Variants in SLC7A14 observed in about 807,000 individuals in gnomAD.
SLC7A14 encodes solute carrier family 7 member 14, also known as gamma-aminobutyric acid transporter SLC7A14.
In SLC7A14, 37 loss-of-function variants were observed where a neutral mutation model predicts 60.2. The ratio of observed to expected loss-of-function variants is 0.61; its 90% CI spans 0.47 to 0.81. The LOEUF (loss-of-function observed/expected upper bound fraction) is 0.81. Among genes scored for constraint, SLC7A14 ranks in the 30% least tolerant of loss-of-function variants. The pLI, the probability that SLC7A14 is intolerant of heterozygous loss-of-function variation, is 0.00. For synonymous variants in SLC7A14, 399 were observed against 395.8 expected, an observed-to-expected ratio of 1.01 and a Z score of -0.10; for missense variants, 886 against 982.7, an observed-to-expected ratio of 0.90 and a Z score of 1.32.
intron 4 of SLC7A14, among the ~76,000 whole-genome samples, chr3:170,493,738 A>T (rs1356825314): frequency 6.6e-6 from 1 of 152,220 alleles, no homozygotes; most frequent in Non-Finnish European, 1.5e-5. Flanking sequence ...GGACTTTGGA[A>T]AAGTGACCTG....
chr3:170,505,941 T>A (rs1351651720), intron 2 of SLC7A14, among the ~76,000 whole-genome samples: 3 of 152,110 alleles, frequency 2.0e-5, no homozygotes, highest in Non-Finnish European at 1.5e-5. Flanking sequence ...ATTTGGTGAA[T>A]CCATTAAAAA....
chr3:170,525,890 G>C (rs574121275), intron 2 of SLC7A14, among the ~76,000 whole-genome samples: 1 of 152,250 alleles, frequency 6.6e-6, no homozygotes, highest in South Asian at 2.1e-4. Context: ...GGCCAACATG[G>C]TGAAACCCTG....
chr3:170,480,828 T>C lies in SLC7A14; in HGVS notation c.1454A>G (p.Asn485Ser), dbSNP rs1260117148. Reference protein sequence around the residue: ...GPATNTCGAKNLPSLGDNEML... With the variant: ...GPATNTCGAKSLPSLGDNEML... ...CTCATTGTCTCCCAAGGATGGTAAG[T>C]TCTTGGCCCCACATGTGTTGGTGGC... is the stretch of plus-strand genomic sequence containing the variant. The change falls in exon 7 of 8, where the codon AAC (asparagine) becomes AGC (serine). Residue 485 changes from asparagine (N) to serine (S), a missense_variant. Transcript: ENST00000231706. 3 of 1,614,130 alleles carry C rather than the reference T, an allele frequency of 1.9e-6. No homozygotes were observed. The Admixed American group carries it at 5.0e-5, about 27-fold the overall frequency.
chr3:170,487,105 A>G (rs376512415), intron 4 of SLC7A14, among the ~76,000 whole-genome samples: 13 of 143,612 alleles, frequency 9.1e-5, no homozygotes, highest in African/African-American at 3.1e-4. Context: ...GGGCTTGAAT[A>G]ACCTAGTTGG....
chr3:170,478,916 G>T (rs1408512650), intron 7 of SLC7A14, among the ~76,000 whole-genome samples: 1 of 152,052 alleles, frequency 6.6e-6, no homozygotes, highest in East Asian at 1.9e-4. Context: ...GAGGTTGAGA[G>T]TTCGAGAACA....
chr3:170,481,395 T>C (rs1285589402), intron 6 of SLC7A14, among the ~76,000 whole-genome samples: 2 of 149,540 alleles, frequency 1.3e-5, no homozygotes, highest in South Asian at 2.2e-4. Flanking sequence ...ATTTCTTTTT[T>C]TTTTTTTTTT....
intron 2 of SLC7A14, among the ~76,000 whole-genome samples, chr3:170,513,793 A>G (rs887219428): frequency 2.0e-5 from 3 of 152,130 alleles, no homozygotes; most frequent in Non-Finnish European, 4.4e-5. Context: ...TTCCCTTTGC[A>G]CTGTGGTGTT....
At chr3:170,569,589 C>T (rs149369102) in intron 1 of SLC7A14, among the ~76,000 whole-genome samples, 2,809 of 152,246 alleles carry the variant, frequency 0.018, 92 homozygotes, top group African/African-American at 0.064. Flanking sequence ...AGGAATGGTA[C>T]CAGTTCCTCC....
rs777189956 is a variant in SLC7A14, at chr3:170,467,324, C to T, written c.2047G>A (p.Ala683Thr). Residue 683 changes from alanine to threonine, a missense_variant, in exon 8 of 8, where the codon GCT becomes ACT. Transcript: ENST00000231706. Reference sequence around the variant, plus strand: ...CTTTGGTGCAGGGCCTCTTCTCGAGCGCTGATTTCCAGGGTGCTGTTCCAG... The same window carrying T: ...CTTTGGTGCAGGGCCTCTTCTCGAGTGCTGATTTCCAGGGTGCTGTTCCAG... ...GIWNSTLEIS[A>T]REEALHQSTY... is the part of the protein sequence containing the mutation. 1.9e-5 allele frequency: 30 copies of T among 1,613,008 alleles called. No individual in the cohort carries two copies. The highest frequency in any genetic ancestry group is 5.5e-5 in the South Asian group (5 of 90,892).
At chr3:170,489,874 T>C (rs1449635677) in intron 4 of SLC7A14, among the ~76,000 whole-genome samples, 1 of 149,780 alleles carries the variant, frequency 6.7e-6, no homozygotes, top group Non-Finnish European at 1.5e-5. Flanking sequence ...CACTTATTTG[T>C]GGGATCTAAA....
Position 170,463,377 on chromosome 3 carries a change from AAC to A in SLC7A14, c.*3676_*3677del, listed in dbSNP as rs1739647004. On this transcript the variant is annotated 3_prime_UTR_variant, in exon 8 of 8. Transcript: ENST00000231706. ...AAATTCTACCCACTTCACAAGTTCCAACACAAGTGTGACATTCTTTATGACCT... is the reference window on the plus strand; with the variant it reads ...AAATTCTACCCACTTCACAAGTTCCAACAAGTGTGACATTCTTTATGACCT... 6.6e-6 allele frequency: 1 copy of A among 152,090 alleles called. No individual in the cohort carries two copies. Among genetic ancestry groups the A allele is most frequent in the Non-Finnish European group, 1.5e-5 (1 of 68,040 alleles). 9.4% of individuals were successfully genotyped at this position (152,090 alleles called of 1,614,324 possible). A position where few individuals can be genotyped will look rare whatever the true frequency, so the allele number is the denominator to read the frequency against.
chr3:170,527,162 A>C, intron 1 of SLC7A14, 74 bp from the exon 2 acceptor site: 1 of 579,450 alleles, frequency 1.7e-6, no homozygotes, highest in Non-Finnish European at 3.1e-6. Context: ...GGATGGTTGG[A>C]GGTTAATGTC....
chr3:170,529,159 AC>A (rs1353463924), intron 1 of SLC7A14, among the ~76,000 whole-genome samples: 2 of 152,220 alleles, frequency 1.3e-5, no homozygotes, highest in Admixed American at 1.3e-4. Context: ...ACAACAAAGA[AC>A]CACATGAGTA....
intron 1 of SLC7A14, among the ~76,000 whole-genome samples, chr3:170,548,675 G>T (rs1714247194): frequency 6.6e-6 from 1 of 152,200 alleles, no homozygotes; most frequent in Non-Finnish European, 1.5e-5. Context: ...ACATCTCTGG[G>T]AGTGGAATTC....
chr3:170,471,985 G>T (rs1739922861), intron 7 of SLC7A14, among the ~76,000 whole-genome samples: 3 of 152,156 alleles, frequency 2.0e-5, no homozygotes, highest in Admixed American at 1.3e-4. Flanking sequence ...CCTCTGTGGG[G>T]CTGGAATTAT....
chr3:170,550,811 C>G (rs1347850872), intron 1 of SLC7A14, among the ~76,000 whole-genome samples: 1 of 151,970 alleles, frequency 6.6e-6, no homozygotes, highest in South Asian at 2.1e-4. Flanking sequence ...CATGAGACAC[C>G]GCGCCCAACC....
intron 1 of SLC7A14, among the ~76,000 whole-genome samples, chr3:170,584,171 G>A (rs933350163): frequency 6.6e-6 from 1 of 152,124 alleles, no homozygotes; most frequent in Non-Finnish European, 1.5e-5. Flanking sequence ...CCCCAAATTG[G>A]CTCAATCCTT....
chr3:170,511,788 G>A (rs1712989766), intron 2 of SLC7A14, among the ~76,000 whole-genome samples: 1 of 152,204 alleles, frequency 6.6e-6, no homozygotes. Flanking sequence ...CCAAGCCCTA[G>A]GTGTGCTCAA....
intron 1 of SLC7A14, among the ~76,000 whole-genome samples, chr3:170,572,275 G>A (rs1035500773): frequency 3.3e-5 from 5 of 152,128 alleles, no homozygotes; most frequent in Admixed American, 2.0e-4. Flanking sequence ...CTGTATAGAT[G>A]GTGAGGATCA....
Sources: allele counts gnomAD v4.1 joint callset (sites outside exome capture counted in the v4.1 genomes callset), GRCh38; gene constraint gnomAD v4.1.1; transcripts MANE v1.5; gene names NCBI Gene and HGNC (gene_info 2026-07-23, HGNC 2026-07-21).